ZSWIM5: variants seen among roughly 807,000 people sequenced by gnomAD.
ZSWIM5 encodes zinc finger SWIM-type containing 5, also known as zinc finger SWIM domain-containing protein 5.
ZSWIM5 carries 55 observed loss-of-function variants against 119.6 expected under a neutral mutation model. The ratio of observed to expected loss-of-function variants is 0.46; its 90% CI spans 0.37 to 0.58. ZSWIM5 has a LOEUF of 0.58. Ranked by LOEUF, ZSWIM5 falls within the 20% of genes least tolerant of loss-of-function variation. The pLI is 0.00. For synonymous variants in ZSWIM5, 537 were observed against 606.9 expected, an observed-to-expected ratio of 0.88 and a Z score of 1.69; for missense variants, 1,193 against 1,512.8, an observed-to-expected ratio of 0.79 and a Z score of 3.51.
rs186288074 is a variant in ZSWIM5, at chr1:45,020,464, A to G, written c.2613+161T>C. Among the ~76,000 whole-genome samples the G allele has an allele frequency of 3.3e-3, 505 of 152,314 alleles. 2 individuals carry two copies. The highest frequency in any genetic ancestry group is 5.8e-3 in the Non-Finnish European group (395 of 68,026). ...GGCCTTAACTTAAAAGTGGAGCCCA[A>G]TTTATGAAATCCTTGCCTTTTCCCT... On this transcript the variant is annotated intron_variant, in intron 12 of 13. Transcript: ENST00000359600.
intron 11 of ZSWIM5, among the ~76,000 whole-genome samples, chr1:45,023,266 G>T (rs979317693): frequency 2.6e-5 from 4 of 152,014 alleles, no homozygotes; most frequent in Admixed American, 6.6e-5. Context: ...TAAGTCCCTG[G>T]CAACTATTGA....
intron 2 of ZSWIM5, among the ~76,000 whole-genome samples, chr1:45,073,977 C>T (rs1345937343): frequency 6.6e-6 from 1 of 151,938 alleles, no homozygotes; most frequent in Non-Finnish European, 1.5e-5. Flanking sequence ...TTTTCAGCAT[C>T]AATTGAAATG....
In ZSWIM5 at chr1:45,016,483, C is replaced by T. The variant is rs540649198; in HGVS notation, c.*1971G>A. The T allele has an allele frequency of 6.6e-6, 1 of 152,294 alleles. No homozygotes were observed. Among genetic ancestry groups the T allele is most frequent in the Non-Finnish European group, 1.5e-5 (1 of 68,026 alleles). 9.4% of individuals were successfully genotyped at this position (152,294 alleles called of 1,614,324 possible). Reference sequence around the variant, plus strand: ...AATTCACACACTTGCTAAAAAAGGGCAACTGTGATACAGAAATGAGAGTGG... The same window carrying T: ...AATTCACACACTTGCTAAAAAAGGGTAACTGTGATACAGAAATGAGAGTGG... On this transcript the variant is annotated 3_prime_UTR_variant, in exon 14 of 14. Coordinates refer to ENST00000359600, the MANE Select transcript of ZSWIM5 (RefSeq NM_020883.2).
chr1:45,176,409 G>T (rs1357967913), intron 1 of ZSWIM5, among the ~76,000 whole-genome samples: 1 of 151,802 alleles, frequency 6.6e-6, no homozygotes, highest in East Asian at 1.9e-4. Context: ...GACTACAGGT[G>T]CATGCCACCA....
In ZSWIM5 at chr1:45,018,425, G is replaced by C; in HGVS notation, c.*29C>G. 1.3e-6 allele frequency: 2 copies of C among 1,599,730 alleles called. No homozygotes were observed. Among genetic ancestry groups the C allele is most frequent in the Non-Finnish European group, 1.7e-6 (2 of 1,172,296 alleles). On this transcript the variant is annotated 3_prime_UTR_variant, in exon 14 of 14. Coordinates refer to ENST00000359600, the MANE Select transcript of ZSWIM5 (RefSeq NM_020883.2). The surrounding 1 kb of genome is among the most constrained non-coding windows in gnomAD (Gnocchi z 6.7). ...GACCTGATACTACCTGGGAACCCAGGCTGCTCTGGCAGTGAGCTATCTGCT... is the reference window on the plus strand; with the variant it reads ...GACCTGATACTACCTGGGAACCCAGCCTGCTCTGGCAGTGAGCTATCTGCT...
rs868289093 is a variant in ZSWIM5, at chr1:45,206,197, G to C, written c.154C>G (p.Leu52Val). The part of the protein sequence containing the change: ...GGAGGVGSSC[L>V]VLGARPHLQP... ...AGGTGGGGGCGGGCCCCGAGGACCAGGCAGCTGCTGCCGACGCCCCCTGCC... is the reference window on the plus strand; with the variant it reads ...AGGTGGGGGCGGGCCCCGAGGACCACGCAGCTGCTGCCGACGCCCCCTGCC... The change falls in exon 1 of 14, where the codon CTG (leucine) becomes GTG (valine). Residue 52 changes from leucine to valine, a missense_variant. Leu to Val is a conservative substitution (Grantham distance 32, BLOSUM62 1). Coordinates refer to ENST00000359600, the MANE Select transcript of ZSWIM5 (RefSeq NM_020883.2). 30 of 1,600,276 alleles carry C rather than the reference G, an allele frequency of 1.9e-5. No homozygotes were observed. The highest frequency in any genetic ancestry group is 2.1e-5 in the Non-Finnish European group (25 of 1,174,792).
At chr1:45,192,676 G>GA (rs1646099639) in intron 1 of ZSWIM5, among the ~76,000 whole-genome samples, 1 of 152,154 alleles carries the variant, frequency 6.6e-6, no homozygotes, top group African/African-American at 2.4e-5. Flanking sequence ...TATACAACCA[G>GA]AAGCAGAATT....
intron 1 of ZSWIM5, among the ~76,000 whole-genome samples, chr1:45,152,172 C>A (rs1037062846): frequency 3.3e-5 from 5 of 152,118 alleles, no homozygotes; most frequent in African/African-American, 1.2e-4. Flanking sequence ...TGAACTTGAA[C>A]AGGACCTCAT....
At chr1:45,197,111 T>C (rs998207306) in intron 1 of ZSWIM5, among the ~76,000 whole-genome samples, 1 of 152,366 alleles carries the variant, frequency 6.6e-6, no homozygotes, top group South Asian at 2.1e-4. Context: ...CTAAGAAAGT[T>C]TGACTCCTTT....
intron 4 of ZSWIM5, among the ~76,000 whole-genome samples, chr1:45,052,198 G>T (rs1645093416): frequency 6.6e-6 from 1 of 150,990 alleles, no homozygotes; most frequent in African/African-American, 2.4e-5. Flanking sequence ...GCTAATTTTT[G>T]TATTTTTAGT....
chr1:45,136,432 T>G (rs1329816292), intron 1 of ZSWIM5, among the ~76,000 whole-genome samples: 2 of 152,134 alleles, frequency 1.3e-5, no homozygotes, highest in African/African-American at 4.8e-5. Flanking sequence ...TCTTTAACTT[T>G]TTATCCCTTT....
Position 45,018,286 on chromosome 1 carries a change from G to C in ZSWIM5, c.*168C>G. 1 of 816,698 alleles carries C rather than the reference G, an allele frequency of 1.2e-6. No homozygotes were observed. Among genetic ancestry groups the C allele is most frequent in the African/African-American group, 1.7e-5 (1 of 57,928 alleles). 50.6% of individuals were successfully genotyped at this position (816,698 alleles called of 1,614,324 possible). A position where few individuals can be genotyped will look rare whatever the true frequency, so the allele number is the denominator to read the frequency against. ...TGTAGTCAGAAGCTTGCCAAGGTAGGCATTATCGACTAGAGCTGGACTTTC... is the reference window on the plus strand; with the variant it reads ...TGTAGTCAGAAGCTTGCCAAGGTAGCCATTATCGACTAGAGCTGGACTTTC... On this transcript the variant is annotated 3_prime_UTR_variant, in exon 14 of 14. Coordinates refer to ENST00000359600, the MANE Select transcript of ZSWIM5 (RefSeq NM_020883.2). The surrounding 1 kb of genome is among the most constrained non-coding windows in gnomAD (Gnocchi z 6.7).
rs183036626 is a variant in ZSWIM5 at position 45,132,523 on chromosome 1, T to C, written c.596-44286A>G. On this transcript the variant is annotated intron_variant, in intron 1 of 13. Transcript: ENST00000359600. ...GATATAGCTACTGTCACTTATAAAT[T>C]AAATAGCACTGTGATTCAAGTTAAA... Among the ~76,000 whole-genome samples, 7 of 152,302 alleles carry C rather than the reference T, an allele frequency of 4.6e-5. No individual in the cohort carries two copies. In the East Asian group the frequency reaches 1.3e-3, roughly 29 times the overall value.
intron 1 of ZSWIM5, among the ~76,000 whole-genome samples, chr1:45,093,117 G>C (rs550137637): frequency 6.2e-4 from 94 of 152,336 alleles, no homozygotes; most frequent in African/African-American, 2.2e-3. Flanking sequence ...CACCCAGGCA[G>C]TCTGGTTCTG....
chr1:45,189,824 C>A (rs945832409), intron 1 of ZSWIM5, among the ~76,000 whole-genome samples: 1 of 152,168 alleles, frequency 6.6e-6, no homozygotes, highest in Non-Finnish European at 1.5e-5. Context: ...TGTGCTATCT[C>A]AGCAACAGAT....
At chr1:45,201,010 G>A (rs1646155043) in intron 1 of ZSWIM5, among the ~76,000 whole-genome samples, 1 of 152,154 alleles carries the variant, frequency 6.6e-6, no homozygotes. Flanking sequence ...GGTCATACTG[G>A]AGTAGGGTGA....
At chr1:45,104,325 A>C (rs1645456727) in intron 1 of ZSWIM5, among the ~76,000 whole-genome samples, 1 of 152,200 alleles carries the variant, frequency 6.6e-6, no homozygotes, top group African/African-American at 2.4e-5. Flanking sequence ...AGAGCACTGG[A>C]ATGGCTCCAT....
chr1:45,070,486 G>C, intron 2 of ZSWIM5: 1 of 909,012 alleles, frequency 1.1e-6, no homozygotes, highest in African/African-American at 1.7e-5. Context: ...CAATTCTATT[G>C]AGTTTTAAAA....
At position 45,060,088 on chromosome 1, in the gene ZSWIM5, T is replaced by G; in HGVS notation, c.1101+11A>C. 1 of 1,614,010 alleles carries G rather than the reference T, an allele frequency of 6.2e-7. No homozygotes were observed. Among genetic ancestry groups the G allele is most frequent in the Non-Finnish European group, 8.5e-7 (1 of 1,179,964 alleles). On this transcript the variant is annotated intron_variant, in intron 3 of 13. Transcript: ENST00000359600. ...TCAACAACAAAAGAAAAACACCTTT[T>G]CATATCTTACCTTGGCAAACATTGA...
Sources: allele counts gnomAD v4.1 joint callset (sites outside exome capture counted in the v4.1 genomes callset), GRCh38; gene constraint gnomAD v4.1.1; non-coding constraint Gnocchi (gnomAD v3.1); transcripts MANE v1.5; gene names NCBI Gene and HGNC (gene_info 2026-07-23, HGNC 2026-07-21).